FCRL1: variants seen among roughly 807,000 people sequenced by gnomAD.
FCRL1 encodes Fc receptor like 1, also known as Fc receptor-like protein 1.
Under a neutral mutation model 49.2 loss-of-function variants are expected in FCRL1, and 34 were observed. The observed-to-expected ratio is 0.69, with a 90% confidence interval of 0.53 to 0.92. The LOEUF (loss-of-function observed/expected upper bound fraction) is 0.92. FCRL1 is among the 40% of genes least tolerant of loss of function. FCRL1 has a pLI of 0.00. For missense variants in FCRL1, 524 were observed against 524.1 expected, an observed-to-expected ratio of 1.00 and a Z score of 0.00; for synonymous variants, 218 against 201.6, an observed-to-expected ratio of 1.08 and a Z score of -0.69.
rs902183546 is a variant in FCRL1, at chr1:157,811,219, C to T, written c.32-4097G>A. Among the ~76,000 whole-genome samples the T allele has an allele frequency of 5.9e-5, 9 of 152,096 alleles. No homozygotes were observed. In the South Asian group the frequency reaches 6.2e-4, roughly 11 times the overall value. On this transcript the variant is annotated intron_variant, in intron 1 of 10. Transcript: ENST00000368176. ...GGTGTCTATTACTCATCCTCCTCCC[C>T]GCCTAAAAAAAGACTGAAACAATAA...
intron 1 of FCRL1, among the ~76,000 whole-genome samples, chr1:157,815,818 G>A (rs909716162): frequency 1.7e-4 from 26 of 151,776 alleles, no homozygotes; most frequent in Non-Finnish European, 4.4e-5. Flanking sequence ...AGAGACTATT[G>A]TGAACAATTA....
chr1:157,796,245 C>T (rs1048088338), intron 10 of FCRL1, 75 bp from the exon 11 acceptor site: 8 of 1,197,506 alleles, frequency 6.7e-6, no homozygotes, highest in African/African-American at 1.5e-5. Context: ...CCCCAGTTAG[C>T]TTGGATGCAT....
chr1:157,808,892 C>G (rs1653876052), intron 1 of FCRL1, among the ~76,000 whole-genome samples: 1 of 116,258 alleles, frequency 8.6e-6, no homozygotes, highest in African/African-American at 4.1e-5. Context: ...TTAAGTATGA[C>G]TCTTAGATTT....
At chr1:157,798,024 A>G (rs1480459861) in intron 8 of FCRL1, 85 bp from the exon 9 acceptor site, 5 of 1,512,368 alleles carry the variant, frequency 3.3e-6, no homozygotes, top group Non-Finnish European at 4.6e-6. Context: ...TGTCACAGCC[A>G]TGAAGACAGA....
chr1:157,809,997 A>G (rs1232772871), intron 1 of FCRL1, among the ~76,000 whole-genome samples: 1 of 152,238 alleles, frequency 6.6e-6, no homozygotes, highest in East Asian at 1.9e-4. Flanking sequence ...CCAGCAGAAT[A>G]TGATATTCCA....
At chr1:157,804,298 C>T (rs1361792156) in intron 2 of FCRL1, 187 bp from the exon 3 acceptor site, 1 of 614,890 alleles carries the variant, frequency 1.6e-6, no homozygotes, top group Non-Finnish European at 2.8e-6. Flanking sequence ...TCACCCTGCT[C>T]ACCCCTGGTA....
chr1:157,809,505 A>G (rs1351008271), intron 1 of FCRL1, among the ~76,000 whole-genome samples: 2 of 152,326 alleles, frequency 1.3e-5, no homozygotes, highest in Admixed American at 1.3e-4. Context: ...CTAGAGTGCA[A>G]TGGCACAATC....
intron 4 of FCRL1, 50 bp downstream of exon 4, chr1:157,802,327 T>C: frequency 1.3e-6 from 2 of 1,596,336 alleles, no homozygotes; most frequent in East Asian, 2.2e-5. Context: ...CAGGGAAATG[T>C]GGAGCCCAGT....
chr1:157,798,596 A>G (rs1260211503), intron 7 of FCRL1, among the ~76,000 whole-genome samples: 1 of 152,154 alleles, frequency 6.6e-6, no homozygotes, highest in Non-Finnish European at 1.5e-5. Context: ...CAACTTGAGG[A>G]AGGGGCAGAA....
chr1:157,815,354 A>G (rs12128085), intron 1 of FCRL1, among the ~76,000 whole-genome samples: 38,082 of 151,842 alleles, frequency 0.25, 4,938 homozygotes, highest in African/African-American at 0.3. Flanking sequence ...CAAAGAACCA[A>G]TGAGTCAATG....
rs149691746 is a variant in FCRL1, at chr1:157,801,949, G to A, written c.852C>T (p.Ala284=). 2.2e-5 allele frequency: 35 copies of A among 1,614,014 alleles called. No individual in the cohort carries two copies. The African/African-American group carries it at 4.7e-4, about 22-fold the overall frequency. ...YSCEANNGLG[A]QRSEAVTLNF... ...TGAGTGTCACCGCCTCACTGCGCTGGGCCCCCAGGCCATTGTTGGCCTCAC... is the reference window on the plus strand; with the variant it reads ...TGAGTGTCACCGCCTCACTGCGCTGAGCCCCCAGGCCATTGTTGGCCTCAC... Residue 284 remains alanine, a synonymous_variant, in exon 5 of 11, where the codon GCC becomes GCT. Transcript: ENST00000368176.
At position 157,804,007 on chromosome 1, in the gene FCRL1, A is replaced by G; in HGVS notation, c.157T>C (p.Cys53Arg). ...AAGGCCCGGGTGTCTCTGAAAAAGC[A>G]GAACTGGAACTGGGCATCTGAACTC... ...LQSSDAQFQFCFFRDTRALGP... is the reference protein window; with the variant it reads ...LQSSDAQFQFRFFRDTRALGP... The change falls in exon 3 of 11, where the codon TGC (cysteine) becomes CGC (arginine). Residue 53 changes from cysteine to arginine, a missense_variant. Physicochemically the swap from Cys to Arg is radical, Grantham distance 180. Coordinates refer to ENST00000368176, the MANE Select transcript of FCRL1 (RefSeq NM_052938.5). 1 of 1,614,218 alleles carries G rather than the reference A, an allele frequency of 6.2e-7. No homozygotes were observed. Among genetic ancestry groups the G allele is most frequent in the Non-Finnish European group, 8.5e-7 (1 of 1,180,026 alleles).
Position 157,803,812 on chromosome 1 carries a change from C to T in FCRL1, c.319+33G>A, listed in dbSNP as rs770893365. 23 of 1,604,292 alleles carry T rather than the reference C, an allele frequency of 1.4e-5. No individual in the cohort carries two copies. In the African/African-American group the frequency reaches 2.7e-4, roughly 19 times the overall value. On this transcript the variant is annotated intron_variant, in intron 3 of 10. Coordinates refer to ENST00000368176, the MANE Select transcript of FCRL1 (RefSeq NM_052938.5). ...GCCTCTTGCCACTGCCCTTCTCAGCCTATCCTGGCAGACTGACCCCACTGA... is the reference window on the plus strand; with the variant it reads ...GCCTCTTGCCACTGCCCTTCTCAGCTTATCCTGGCAGACTGACCCCACTGA...
At position 157,802,042 on chromosome 1, in the gene FCRL1, C is replaced by A. The variant is rs535623313; in HGVS notation, c.759G>T (p.Ser253=). ...YHEDITLGSR[S]APSGGGASFN... ...AGGAGGCTCCTCCTCCAGAGGGGGCCGACCTGCTCCCCAGGGTGATATCCT... is the reference window on the plus strand; with the variant it reads ...AGGAGGCTCCTCCTCCAGAGGGGGCAGACCTGCTCCCCAGGGTGATATCCT... The change falls in exon 5 of 11, where the codon TCG becomes TCT. Residue 253 remains serine (S), a synonymous_variant. Transcript: ENST00000368176. The A allele has an allele frequency of 6.2e-7, 1 of 1,614,198 alleles. No homozygotes were observed. Among genetic ancestry groups the A allele is most frequent in the Admixed American group, 1.7e-5 (1 of 60,020 alleles).
At position 157,796,307 on chromosome 1, in the gene FCRL1, T is replaced by A. The variant is rs1651463830; in HGVS notation, c.1219-137A>T. ...AAAATAAGGGCCTCTTGGAAAACTG[T>A]GGTCCAAGGCCAGCATTTTTAGAGT... On this transcript the variant is annotated intron_variant, in intron 10 of 10. Coordinates refer to ENST00000368176, the MANE Select transcript of FCRL1 (RefSeq NM_052938.5). The A allele has an allele frequency of 8.5e-6, 6 of 704,934 alleles. No individual in the cohort carries two copies. The South Asian group carries it at 1.0e-4, about 12-fold the overall frequency. 43.7% of individuals were successfully genotyped at this position (704,934 alleles called of 1,614,324 possible). A position where few individuals can be genotyped will look rare whatever the true frequency, so the allele number is the denominator to read the frequency against.
Position 157,798,144 on chromosome 1 carries a change from C to T in FCRL1, c.1114+17G>A. 1.2e-6 allele frequency: 2 copies of T among 1,606,476 alleles called. No homozygotes were observed. The highest frequency in any genetic ancestry group is 1.7e-6 in the Non-Finnish European group (2 of 1,175,462). On this transcript the variant is annotated intron_variant, in intron 8 of 10. Coordinates refer to ENST00000368176, the MANE Select transcript of FCRL1 (RefSeq NM_052938.5). Reference sequence around the variant, plus strand: ...TTGCTGTACCATCGTTGGCCTGGGCCATTTGGGAAGGCTCACCATTTTCAT... The same window carrying T: ...TTGCTGTACCATCGTTGGCCTGGGCTATTTGGGAAGGCTCACCATTTTCAT...
rs12403857 is a variant in FCRL1 at position 157,799,563 on chromosome 1, T to A, written c.1031+495A>T. Among the ~76,000 whole-genome samples, 180 of 152,186 alleles carry A rather than the reference T, an allele frequency of 1.2e-3. 1 individual carries two copies. The highest frequency in any genetic ancestry group is 6.4e-3 in the East Asian group (33 of 5,166). Reference sequence around the variant, plus strand: ...TTTGTCTGTTATTGGTGTATAAGAATGCTTGTGATTTTTGTACATTGATTT... The same window carrying A: ...TTTGTCTGTTATTGGTGTATAAGAAAGCTTGTGATTTTTGTACATTGATTT... On this transcript the variant is annotated intron_variant, in intron 7 of 10. Transcript: ENST00000368176.
intron 1 of FCRL1, among the ~76,000 whole-genome samples, chr1:157,817,107 A>G (rs1222063423): frequency 6.6e-6 from 1 of 152,078 alleles, no homozygotes; most frequent in Non-Finnish European, 1.5e-5. Flanking sequence ...ATTCAATGCA[A>G]TCTCTATCAA....
At chr1:157,816,511 C>A (rs1476069987) in intron 1 of FCRL1, among the ~76,000 whole-genome samples, 1 of 151,756 alleles carries the variant, frequency 6.6e-6, no homozygotes, top group Non-Finnish European at 1.5e-5. Flanking sequence ...AAGTTGAAAG[C>A]ATTTCTCTAA....
Sources: allele counts gnomAD v4.1 joint callset (sites outside exome capture counted in the v4.1 genomes callset), GRCh38; gene constraint gnomAD v4.1.1; transcripts MANE v1.5; gene names NCBI Gene and HGNC (gene_info 2026-07-23, HGNC 2026-07-21).